The following UTS2B variants were observed in gnomAD, a reference collection of about 807,000 sequenced individuals.
The protein encoded by UTS2B is urotensin 2B.
In UTS2B, 21 loss-of-function variants were observed where a neutral mutation model predicts 19.2. That is an observed-to-expected ratio of 1.09 (90% CI 0.78 to 1.58). The LOEUF (loss-of-function observed/expected upper bound fraction) is 1.58, where lower values mean the gene tolerates loss of function less well. Among genes scored for constraint, UTS2B ranks in the 40% most tolerant of loss-of-function variants. The pLI, the probability that UTS2B is intolerant of heterozygous loss-of-function variation, is 0.00. For synonymous variants in UTS2B, 57 were observed against 50.2 expected (o/e 1.14, Z -0.58); for missense variants, 138 against 130.3 (o/e 1.06, Z -0.29).
intron 5 of UTS2B, among the ~76,000 whole-genome samples, chr3:191,279,195 A>T (rs981862316): frequency 1.3e-5 from 2 of 152,070 alleles, no homozygotes; most frequent in Non-Finnish European, 2.9e-5. Context: ...AGTTTTCTAC[A>T]TTAACCAAAG....
chr3:191,286,082 T>A (rs1716537114), intron 4 of UTS2B, among the ~76,000 whole-genome samples: 1 of 152,146 alleles, frequency 6.6e-6, no homozygotes, highest in South Asian at 2.1e-4. Context: ...AAGGATATAA[T>A]AATTTTAAAT....
intron 8 of UTS2B, among the ~76,000 whole-genome samples, chr3:191,270,854 T>C (rs1288003993): frequency 6.6e-6 from 1 of 152,138 alleles, no homozygotes; most frequent in Non-Finnish European, 1.5e-5. Context: ...AGCTTAAAGC[T>C]TGTATTTGTT....
At chr3:191,341,106 T>A in the UTS2B span, among the ~76,000 whole-genome samples, 31 of 152,122 alleles carry the variant, frequency 2.0e-4, 1 homozygote, top group Non-Finnish European at 4.4e-4. Context: ...TTCTGCAGAT[T>A]CCTAAGAGCA....
At chr3:191,335,536 A>T in the UTS2B span, among the ~76,000 whole-genome samples, 2 of 152,182 alleles carry the variant, frequency 1.3e-5, no homozygotes, top group African/African-American at 4.8e-5. Flanking sequence ...AAACCAGCGC[A>T]AGAGTTCTCA....
chr3:191,298,687 C>T (rs111599898), intron 4 of UTS2B, among the ~76,000 whole-genome samples: 4 of 152,112 alleles, frequency 2.6e-5, no homozygotes, highest in Admixed American at 1.3e-4. Context: ...TATAAAGATA[C>T]CTGAAAATGT....
chr3:191,329,670 C>A, intron 1 of UTS2B: 1 of 1,608,692 alleles, frequency 6.2e-7, no homozygotes. Context: ...GGACCCTGGC[C>A]CGGTATGGCT....
chr3:191,332,263 A>C (rs1234387175), upstream of UTS2B, among the ~76,000 whole-genome samples: 2 of 152,222 alleles, frequency 1.3e-5, no homozygotes, highest in African/African-American at 4.8e-5. Context: ...AGGAAGTCAA[A>C]AATATTCATC....
In UTS2B at chr3:191,310,110, G is replaced by A. The variant is rs553646428; in HGVS notation, c.-181-5562C>T. Among the ~76,000 whole-genome samples, 9 of 151,848 alleles carry A rather than the reference G, an allele frequency of 5.9e-5. No individual in the cohort carries two copies. In the East Asian group the frequency reaches 7.7e-4, roughly 13 times the overall value. ...TCCCAGTAGCTGGGACTACAGGTGC[G>A]CACCACCATGCCTGGCTATTTTTTT... On this transcript the variant is annotated intron_variant, in intron 3 of 8. Transcript: ENST00000340524.
At chr3:191,335,621 A>G in the UTS2B span, among the ~76,000 whole-genome samples, 97 of 152,292 alleles carry the variant, frequency 6.4e-4, no homozygotes, top group Non-Finnish European at 1.0e-3. Context: ...TTAAAAAAGC[A>G]TACACACATA....
At chr3:191,289,475 GT>G (rs1218042679) in intron 4 of UTS2B, among the ~76,000 whole-genome samples, 1 of 146,358 alleles carries the variant, frequency 6.8e-6, no homozygotes, top group Non-Finnish European at 1.5e-5. Flanking sequence ...AATATGTTCA[GT>G]GCTCTAACAT....
chr3:191,282,457 C>T lies in UTS2B; in HGVS notation c.-124-144G>A, dbSNP rs979446844. On this transcript the variant is annotated intron_variant, in intron 4 of 8. Coordinates refer to ENST00000340524, the MANE Select transcript of UTS2B (RefSeq NM_198152.5). ...GAACCCAATCAATACATCTCATACC[C>T]GCCCACTTCACTAAAAGCAAGCATT... 29 of 322,474 alleles carry T rather than the reference C, an allele frequency of 9.0e-5. No individual in the cohort carries two copies. The East Asian group carries it at 1.4e-3, about 15-fold the overall frequency. 20.0% of individuals were successfully genotyped at this position (322,474 alleles called of 1,614,324 possible).
rs76750923 is a variant in UTS2B at position 191,320,273 on chromosome 3, A to T, written c.-585-3834T>A. Among the ~76,000 whole-genome samples the T allele has an allele frequency of 2.6e-3, 393 of 152,310 alleles. 1 individual carries two copies. Among genetic ancestry groups the T allele is most frequent in the Non-Finnish European group, 4.5e-3 (303 of 68,028 alleles). On this transcript the variant is annotated intron_variant, in intron 2 of 8. Coordinates refer to ENST00000340524, the MANE Select transcript of UTS2B (RefSeq NM_198152.5). ...AATTGGAGGAGTAAATCACACAGTTATTGGCATACAGGGTCTTTCTAGGAA... is the reference window on the plus strand; with the variant it reads ...AATTGGAGGAGTAAATCACACAGTTTTTGGCATACAGGGTCTTTCTAGGAA...
At chr3:191,339,724 C>T in the UTS2B span, among the ~76,000 whole-genome samples, 1 of 152,186 alleles carries the variant, frequency 6.6e-6, no homozygotes, top group South Asian at 2.1e-4. Context: ...TGTTACAGTC[C>T]ACATTTGTAT....
intron 4 of UTS2B, among the ~76,000 whole-genome samples, chr3:191,289,085 T>C (rs1716634780): frequency 6.6e-6 from 1 of 152,144 alleles, no homozygotes; most frequent in South Asian, 2.1e-4. Context: ...AACTACCAGA[T>C]GATCCAGCAT....
rs1014223062 is a variant in UTS2B, at chr3:191,276,841, A to G, written c.206T>C (p.Leu69Pro). Residue 69 changes from leucine (L) to proline (P), a missense_variant, in exon 7 of 9, where the codon CTA becomes CCA. Physicochemically the swap from Leu to Pro is moderately conservative, Grantham distance 98. Transcript: ENST00000340524. ...FDFQRPFNTDLALPNKLEELN... is the reference protein window; with the variant it reads ...FDFQRPFNTDPALPNKLEELN... Reference sequence around the variant, plus strand: ...TTCTTCCAGTTTGTTAGGTAAGGCTAGGTCTGCAAGACACATTTGTCACAT... The same window carrying G: ...TTCTTCCAGTTTGTTAGGTAAGGCTGGGTCTGCAAGACACATTTGTCACAT... 51 of 1,611,458 alleles carry G rather than the reference A, an allele frequency of 3.2e-5. No homozygotes were observed. Among genetic ancestry groups the G allele is most frequent in the Non-Finnish European group, 4.1e-5 (48 of 1,179,052 alleles).
chr3:191,314,015 G>C (rs56005536), intron 3 of UTS2B, among the ~76,000 whole-genome samples: 1 of 152,122 alleles, frequency 6.6e-6, no homozygotes, highest in Non-Finnish European at 1.5e-5. Flanking sequence ...ACAGGCATGA[G>C]CCACCGCACC....
chr3:191,329,806 G>A, intron 1 of UTS2B: 1 of 1,443,936 alleles, frequency 6.9e-7, no homozygotes, highest in Non-Finnish European at 9.5e-7. Flanking sequence ...TTGCCATTTC[G>A]GCTCCCGCGG....
chr3:191,302,993 G>A (rs1377746508), intron 4 of UTS2B, among the ~76,000 whole-genome samples: 2 of 152,112 alleles, frequency 1.3e-5, no homozygotes, highest in East Asian at 1.9e-4. Context: ...ATCAAATAGC[G>A]AAGATTAACT....
At chr3:191,279,794 C>A (rs1716334316) in intron 5 of UTS2B, among the ~76,000 whole-genome samples, 1 of 151,872 alleles carries the variant, frequency 6.6e-6, no homozygotes, top group South Asian at 2.1e-4. Flanking sequence ...AAAAACTTTT[C>A]TCAAGGAATT....
Sources: allele counts gnomAD v4.1 joint callset (sites outside exome capture counted in the v4.1 genomes callset), GRCh38; gene constraint gnomAD v4.1.1; transcripts MANE v1.5; gene names NCBI Gene and HGNC (gene_info 2026-07-23, HGNC 2026-07-21).